CTIF: variants seen among roughly 807,000 people sequenced by gnomAD.
The protein encoded by CTIF is CBP80/20-dependent translation initiation factor.
Under a neutral mutation model 66.0 loss-of-function variants are expected in CTIF, and 21 were observed. The ratio of observed to expected loss-of-function variants is 0.32; its 90% CI spans 0.23 to 0.46. The LOEUF (loss-of-function observed/expected upper bound fraction) is 0.46. Ranked by LOEUF, CTIF falls within the 20% of genes least tolerant of loss-of-function variation. CTIF has a pLI of 1.00. For synonymous variants in CTIF, 345 were observed against 326.4 expected, an observed-to-expected ratio of 1.06 and a Z score of -0.62; for missense variants, 739 against 812.7, an observed-to-expected ratio of 0.91 and a Z score of 1.10.
chr18:48,765,750 G>C (rs1909460518), intron 9 of CTIF, among the ~76,000 whole-genome samples: 1 of 152,148 alleles, frequency 6.6e-6, no homozygotes, highest in African/African-American at 2.4e-5. Flanking sequence ...AGCCATGACA[G>C]TGCTGGAGAC....
chr18:48,852,396 C>T (rs2069225855), intron 10 of CTIF, among the ~76,000 whole-genome samples: 2 of 152,138 alleles, frequency 1.3e-5, no homozygotes, highest in African/African-American at 2.4e-5. Context: ...CCTGAACCAG[C>T]CCCTCGCAGT....
intron 2 of CTIF, among the ~76,000 whole-genome samples, chr18:48,633,190 C>T (rs2090753480): frequency 6.6e-6 from 1 of 152,126 alleles, no homozygotes. Flanking sequence ...GAGAGGTCAC[C>T]TAGGATGGGA....
At chr18:48,560,761 C>T (rs2089140162) in intron 1 of CTIF, among the ~76,000 whole-genome samples, 1 of 151,772 alleles carries the variant, frequency 6.6e-6, no homozygotes, top group Non-Finnish European at 1.5e-5. Context: ...TTTGTAGAGA[C>T]AGGGTTCCAC....
At chr18:48,614,319 C>T (rs553135665) in intron 1 of CTIF, among the ~76,000 whole-genome samples, 2 of 152,272 alleles carry the variant, frequency 1.3e-5, no homozygotes, top group South Asian at 2.1e-4. Context: ...CCTCCACACT[C>T]GTCTTGCCTT....
chr18:48,770,445 C>T (rs537163454), intron 9 of CTIF, among the ~76,000 whole-genome samples: 3 of 152,390 alleles, frequency 2.0e-5, no homozygotes, highest in South Asian at 4.1e-4. Flanking sequence ...GGGCAGTCTA[C>T]TGCAGGCCTT....
chr18:48,656,825 T>C (rs2091254524), intron 3 of CTIF, among the ~76,000 whole-genome samples: 2 of 152,196 alleles, frequency 1.3e-5, no homozygotes, highest in African/African-American at 4.8e-5. Flanking sequence ...GCCTGGATGC[T>C]GTCAGGGCTG....
chr18:48,664,689 AGAG>A, intron 5 of CTIF, 138 bp downstream of exon 5: 1 of 681,800 alleles, frequency 1.5e-6, no homozygotes, highest in South Asian at 1.8e-5. Context: ...TATGCGTCCC[AGAG>A]CTGCAGGCTC....
chr18:48,812,069 TCTC>T (rs1427719786), intron 9 of CTIF, among the ~76,000 whole-genome samples: 1 of 152,178 alleles, frequency 6.6e-6, no homozygotes, highest in Admixed American at 6.5e-5. Context: ...ATCAAGCAGT[TCTC>T]CTGCCTCAGC....
chr18:48,742,891 G>C (rs900373432), intron 7 of CTIF, among the ~76,000 whole-genome samples: 2 of 152,296 alleles, frequency 1.3e-5, no homozygotes, highest in African/African-American at 4.8e-5. Context: ...GGGCTTCACG[G>C]AGATGGGAGC....
At chr18:48,670,306 G>T (rs943515028) in intron 5 of CTIF, among the ~76,000 whole-genome samples, 1 of 152,192 alleles carries the variant, frequency 6.6e-6, no homozygotes, top group Non-Finnish European at 1.5e-5. Flanking sequence ...ATGTGACCTT[G>T]AGAAAGTTGC....
intron 10 of CTIF, among the ~76,000 whole-genome samples, chr18:48,846,669 G>A (rs1410330057): frequency 6.6e-6 from 1 of 151,876 alleles, no homozygotes; most frequent in Non-Finnish European, 1.5e-5. Flanking sequence ...GTGGATGGAT[G>A]GATGGATGAA....
chr18:48,840,111 A>G (rs986124890), intron 10 of CTIF, among the ~76,000 whole-genome samples: 1 of 152,196 alleles, frequency 6.6e-6, no homozygotes, highest in Non-Finnish European at 1.5e-5. Context: ...TTCCTGGATG[A>G]GGCTCTTACC....
chr18:48,764,568 G>T (rs1361604973), intron 9 of CTIF, among the ~76,000 whole-genome samples: 1 of 152,146 alleles, frequency 6.6e-6, no homozygotes, highest in East Asian at 1.9e-4. Flanking sequence ...CGGGCTAGGG[G>T]CCTGCAGGGA....
intron 1 of CTIF, among the ~76,000 whole-genome samples, chr18:48,550,956 T>C (rs1011139274): frequency 2.0e-5 from 3 of 152,094 alleles, no homozygotes; most frequent in African/African-American, 7.2e-5. Flanking sequence ...CTACATGTTT[T>C]CCTCCCTAAG....
intron 6 of CTIF, among the ~76,000 whole-genome samples, chr18:48,700,785 C>T (rs1005952209): frequency 1.3e-5 from 2 of 152,228 alleles, no homozygotes; most frequent in African/African-American, 4.8e-5. Flanking sequence ...ACTCAATTTG[C>T]GTGTCCCTCT....
At position 48,711,571 on chromosome 18, in the gene CTIF, CT is replaced by C. The variant is rs2092223519; in HGVS notation, c.508-47del. The C allele has an allele frequency of 4.7e-6, 7 of 1,493,528 alleles. No individual in the cohort carries two copies. The East Asian group carries it at 1.6e-4, about 34-fold the overall frequency. 92.5% of individuals were successfully genotyped at this position (1,493,528 alleles called of 1,614,324 possible). A position where few individuals can be genotyped will look rare whatever the true frequency, so the allele number is the denominator to read the frequency against. On this transcript the variant is annotated intron_variant, in intron 6 of 11. Transcript: ENST00000256413. ...AGTGCAGTCCCAGAGGTGCTTTGCT[CT>C]CTTTCAGGAGTTACTAATGATCCCC...
intron 7 of CTIF, among the ~76,000 whole-genome samples, chr18:48,737,608 A>C (rs1261033152): frequency 6.6e-6 from 1 of 151,148 alleles, no homozygotes; most frequent in East Asian, 1.9e-4. Flanking sequence ...AACCTTACTA[A>C]TGTTAACTGA....
chr18:48,817,122 A>G (rs1166258473), intron 9 of CTIF, 99 bp from the exon 10 acceptor site: 3 of 1,235,610 alleles, frequency 2.4e-6, no homozygotes, highest in Non-Finnish European at 1.1e-6. Flanking sequence ...CCTGCTGCCC[A>G]GGAGCAGCCC....
intron 7 of CTIF, among the ~76,000 whole-genome samples, chr18:48,741,525 G>C (rs772944379): frequency 6.7e-6 from 1 of 148,484 alleles, no homozygotes; most frequent in Non-Finnish European, 1.5e-5. Flanking sequence ...CCAGGTTCAA[G>C]TATTCTTCTG....
Sources: gnomAD v4.1 joint callset for allele counts (sites outside exome capture counted in the v4.1 genomes callset) on GRCh38, gnomAD v4.1.1 for gene constraint, MANE v1.5 for transcripts, NCBI Gene and HGNC (gene_info 2026-07-23, HGNC 2026-07-21) for gene names.